Variants in AHDC1 observed in about 807,000 individuals in gnomAD.
AHDC1 encodes transcription factor Gibbin.
AHDC1 carries 7 observed loss-of-function variants against 87.9 expected under a neutral mutation model. The observed-to-expected ratio is 0.08, with a 90% CI of 0.05 to 0.15. The LOEUF (loss-of-function observed/expected upper bound fraction) is 0.15, where lower values mean the gene tolerates loss of function less well. AHDC1 is among the 10% of genes least tolerant of loss of function. AHDC1 has a pLI of 1.00. For synonymous variants in AHDC1, 1,051 were observed against 1,006.8 expected, an observed-to-expected ratio of 1.04 and a Z score of -0.83; for missense variants, 1,841 against 2,253.2, an observed-to-expected ratio of 0.82 and a Z score of 3.70.
In AHDC1 at chr1:27,547,770, A is replaced by G; in HGVS notation, c.4346T>C (p.Leu1449Pro). 6.3e-7 allele frequency: 1 copy of G among 1,582,312 alleles called. No individual in the cohort carries two copies. Among genetic ancestry groups the G allele is most frequent in the Non-Finnish European group, 8.6e-7 (1 of 1,162,122 alleles). The change falls in exon 8 of 9, where the codon CTG becomes CCG. Residue 1449 changes from leucine (L) to proline (P), a missense_variant. Coordinates refer to ENST00000673934, the MANE Select transcript of AHDC1 (RefSeq NM_001371928.1). The surrounding 1 kb of genome is among the most constrained non-coding windows in gnomAD (Gnocchi z 4.9). ...ATCGTAGTGGGGCTGGCCCAGCGGC[A>G]GGTCCCGGCAGCTCAGGTGGGCCTG... Reference protein sequence around the residue: ...AAQAHLSCRDLPLGQPHYDSP... With the variant: ...AAQAHLSCRDPPLGQPHYDSP...
chr1:27,541,675 G>C (rs1228001936), intron 8 of AHDC1, among the ~76,000 whole-genome samples: 1 of 150,854 alleles, frequency 6.6e-6, no homozygotes, highest in African/African-American at 2.4e-5. Context: ...TGTCACCCAG[G>C]CTGGAGTGCA....
At position 27,551,154 on chromosome 1, in the gene AHDC1, G is replaced by C; in HGVS notation, c.962C>G (p.Pro321Arg). 6.2e-7 allele frequency: 1 copy of C among 1,606,794 alleles called. No homozygotes were observed. Among genetic ancestry groups the C allele is most frequent in the Non-Finnish European group, 8.5e-7 (1 of 1,177,264 alleles). Residue 321 changes from proline (P) to arginine (R), a missense_variant, in exon 8 of 9, where the codon CCT (proline) becomes CGT (arginine). Pro to Arg is a moderately radical substitution (Grantham distance 103, BLOSUM62 -2). Transcript: ENST00000673934. ...GLALQALDTL[P>R]DSLESQLLDP... The stretch of plus-strand genomic sequence containing the variant: ...AAGCAGCTGCGACTCCAAGGAGTCA[G>C]GCAGGGTGTCCAGGGCCTGGAGAGC...
At chr1:27,573,958 G>A (rs1212676596) in intron 3 of AHDC1, among the ~76,000 whole-genome samples, 1 of 152,210 alleles carries the variant, frequency 6.6e-6, no homozygotes, top group Non-Finnish European at 1.5e-5. Context: ...CAGTGGACAT[G>A]GAAGGCCAAT....
intron 3 of AHDC1, among the ~76,000 whole-genome samples, chr1:27,577,839 A>G (rs1423084935): frequency 6.6e-6 from 1 of 152,196 alleles, no homozygotes; most frequent in East Asian, 1.9e-4. Flanking sequence ...ACTGGGGGCC[A>G]GTGCTCAGAG....
Position 27,549,492 on chromosome 1 carries a change from G to A in AHDC1, c.2624C>T (p.Pro875Leu). 1 of 1,613,232 alleles carries A rather than the reference G, an allele frequency of 6.2e-7. No homozygotes were observed. Among genetic ancestry groups the A allele is most frequent in the Non-Finnish European group, 8.5e-7 (1 of 1,179,936 alleles). The part of the protein sequence containing the change: ...RKASGTYAGP[P>L]TSALPAQRGL... ...CCGCTGGGCAGGCAGGGCACTGGTG[G>A]GTGGCCCTGCATAGGTGCCCGATGC... The change falls in exon 8 of 9, where the codon CCC (proline) becomes CTC (leucine). Residue 875 changes from proline (P) to leucine (L), a missense_variant. Physicochemically the swap from Pro to Leu is moderately conservative, Grantham distance 98 (BLOSUM62 -3). Transcript: ENST00000673934.
intron 3 of AHDC1, among the ~76,000 whole-genome samples, chr1:27,577,691 A>G (rs990579425): frequency 6.6e-6 from 1 of 152,218 alleles, no homozygotes; most frequent in Admixed American, 6.5e-5. Context: ...CCACAGAGTC[A>G]GTCCAGGAAG....
Position 27,550,184 on chromosome 1 carries a change from C to T in AHDC1, c.1932G>A (p.Glu644=). ...PPRCWTPSEP[E]SVHQAPDTQS... ...GGGTGTCGGGGGCCTGGTGCACCGA[C>T]TCCGGCTCACTGGGTGTCCAGCAGC... Residue 644 remains glutamate (E), a synonymous_variant, in exon 8 of 9, where the codon GAG becomes GAA. Transcript: ENST00000673934. 1 of 1,612,354 alleles carries T rather than the reference C, an allele frequency of 6.2e-7. No homozygotes were observed. Among genetic ancestry groups the T allele is most frequent in the Non-Finnish European group, 8.5e-7 (1 of 1,179,818 alleles).
intron 5 of AHDC1, among the ~76,000 whole-genome samples, chr1:27,556,952 G>C (rs959283653): frequency 6.6e-6 from 1 of 151,642 alleles, no homozygotes; most frequent in Admixed American, 6.6e-5. Context: ...CCCAAGGGGA[G>C]CTGGCCCTGC....
chr1:27,553,320 T>C (rs943087595), intron 5 of AHDC1, 135 bp from the exon 6 acceptor site: 1 of 152,254 alleles, frequency 6.6e-6, no homozygotes, highest in African/African-American at 2.4e-5. Context: ...AATAACCCCA[T>C]TTTGCAGATG....
intron 5 of AHDC1, among the ~76,000 whole-genome samples, chr1:27,554,024 G>A (rs1335554437): frequency 3.9e-5 from 6 of 152,272 alleles, no homozygotes; most frequent in Admixed American, 6.5e-5. Flanking sequence ...AGCTATGATC[G>A]TGCCATTGTT....
At chr1:27,572,957 C>A (rs748472785) in intron 3 of AHDC1, among the ~76,000 whole-genome samples, 1 of 152,258 alleles carries the variant, frequency 6.6e-6, no homozygotes, top group Admixed American at 6.5e-5. Flanking sequence ...CACAGTCTCA[C>A]AGCCCCGCCT....
At chr1:27,556,152 G>GCC (rs1183045239) in intron 5 of AHDC1, among the ~76,000 whole-genome samples, 6 of 151,992 alleles carry the variant, frequency 3.9e-5, no homozygotes, top group Admixed American at 2.0e-4. Context: ...GGAAGCGCCA[G>GCC]CCCACATCCT....
intron 3 of AHDC1, among the ~76,000 whole-genome samples, chr1:27,573,149 C>T (rs894085611): frequency 2.0e-5 from 3 of 152,086 alleles, no homozygotes; most frequent in Non-Finnish European, 2.9e-5. Flanking sequence ...GTGGGGATAC[C>T]TTGACAGGAA....
At position 27,551,882 on chromosome 1, in the gene AHDC1, G is replaced by C. The variant is rs1174569809; in HGVS notation, c.234C>G (p.Ala78=). 6.2e-7 allele frequency: 1 copy of C among 1,606,482 alleles called. No individual in the cohort carries two copies. Residue 78 remains alanine (A), a synonymous_variant, in exon 8 of 9, where the codon GCC becomes GCG. Coordinates refer to ENST00000673934, the MANE Select transcript of AHDC1 (RefSeq NM_001371928.1). ...GTGGGGGCAGCGGGTCGTCCCCCTT[G>C]GCAAGGACTGGTGGGCGCCGGGTGC... ...DPSTRRPPVL[A]KGDDPLPPRA...
chr1:27,582,410 C>G (rs2088933538), intron 3 of AHDC1, among the ~76,000 whole-genome samples: 1 of 152,212 alleles, frequency 6.6e-6, no homozygotes, highest in Non-Finnish European at 1.5e-5. Context: ...ACCTGCTATA[C>G]AAATAAGAGT....
Position 27,562,215 on chromosome 1 carries a change from G to A in AHDC1, c.-628-3332C>T, listed in dbSNP as rs186414235. 2.5e-3 allele frequency among the ~76,000 whole-genome samples: 373 copies of A among 152,154 alleles called. 3 individuals carry two copies. The highest frequency in any genetic ancestry group is 8.4e-3 in the African/African-American group (349 of 41,494). On this transcript the variant is annotated intron_variant, in intron 3 of 8. Transcript: ENST00000673934. The surrounding 1 kb of genome is among the most constrained non-coding windows in gnomAD (Gnocchi z 4.4). ...GGAGTGGACGCGCCCAAGCTGGCTC[G>A]GCGGGGGCGGCCAGTGCGCCAAGCC...
chr1:27,538,898 G>A (rs78119238), intron 8 of AHDC1, among the ~76,000 whole-genome samples: 1,890 of 152,172 alleles, frequency 0.012, 38 homozygotes, highest in African/African-American at 0.042. Context: ...AAAGACAAAG[G>A]GTCACAGGCA....
Position 27,560,197 on chromosome 1 carries a change from G to GTT in AHDC1, c.-628-1316_-628-1315dup, listed in dbSNP as rs1553161359. On this transcript the variant is annotated intron_variant, in intron 3 of 8. Transcript: ENST00000673934. This position sits in a 1 kb window ranked among gnomAD's most constrained non-coding sequence, Gnocchi z 4.1. ...GCACTTTTCACGTTTATTTCTATTCGTTTTGTGTGTGTGTGTGTGTGTGTG... is the reference window on the plus strand; with the variant it reads ...GCACTTTTCACGTTTATTTCTATTCGTTTTTTGTGTGTGTGTGTGTGTGTGTG... Among the ~76,000 whole-genome samples, 3,567 of 66,984 alleles carry GTT rather than the reference G, an allele frequency of 0.053. 129 individuals carry two copies. Among genetic ancestry groups the GTT allele is most frequent in the African/African-American group, 0.16 (3,368 of 20,662 alleles). The allele number at this position is 66,984 out of a possible 152,430, so 43.9% of individuals were successfully genotyped here.
At chr1:27,566,096 T>C (rs2020303224) in intron 3 of AHDC1, among the ~76,000 whole-genome samples, 1 of 151,862 alleles carries the variant, frequency 6.6e-6, no homozygotes, top group African/African-American at 2.4e-5. Flanking sequence ...AACAACCTGG[T>C]AGGAAATAGA....
Sources: allele counts gnomAD v4.1 joint callset (sites outside exome capture counted in the v4.1 genomes callset), GRCh38; gene constraint gnomAD v4.1.1; non-coding constraint Gnocchi (gnomAD v3.1); transcripts MANE v1.5; gene names NCBI Gene and HGNC (gene_info 2026-07-23, HGNC 2026-07-21).